The following NBAS variants were observed in gnomAD, a reference collection of about 807,000 sequenced individuals.
NBAS encodes NAG/BC035112 fusion.
NBAS carries 219 observed loss-of-function variants against 302.5 expected under a neutral mutation model. That is an observed-to-expected ratio of 0.72 (90% CI 0.65 to 0.81). The LOEUF (loss-of-function observed/expected upper bound fraction) is 0.81, where lower values mean the gene tolerates loss of function less well. Ranked by LOEUF, NBAS falls within the 30% of genes least tolerant of loss-of-function variation. The pLI is 0.00. For missense variants in NBAS, 2,932 were observed against 2,841.6 expected, an observed-to-expected ratio of 1.03 and a Z score of -0.72; for synonymous variants, 1,118 against 1,021.6, an observed-to-expected ratio of 1.09 and a Z score of -1.80.
At chr2:15,308,898 T>C (rs1302770797) in intron 39 of NBAS, among the ~76,000 whole-genome samples, 1 of 152,286 alleles carries the variant, frequency 6.6e-6, no homozygotes, top group Non-Finnish European at 1.5e-5. Flanking sequence ...AAAGATAGCA[T>C]TGGGAGATAT....
the NBAS span, among the ~76,000 whole-genome samples, chr2:14,861,629 T>G: frequency 6.6e-6 from 1 of 152,262 alleles, no homozygotes; most frequent in Non-Finnish European, 1.5e-5. Context: ...GATGATGCTA[T>G]CCCCTCAATA....
the NBAS span, among the ~76,000 whole-genome samples, chr2:14,919,245 A>C: frequency 6.6e-6 from 1 of 152,198 alleles, no homozygotes; most frequent in African/African-American, 2.4e-5. Flanking sequence ...TAGCCAGTAC[A>C]TATAAAAGAT....
At chr2:15,443,701 G>A (rs1474974512) in intron 21 of NBAS, among the ~76,000 whole-genome samples, 1 of 150,832 alleles carries the variant, frequency 6.6e-6, no homozygotes, top group African/African-American at 2.4e-5. Context: ...TAGGAAAAGA[G>A]GAAGTCAAAT....
intron 50 of NBAS, among the ~76,000 whole-genome samples, chr2:15,181,685 T>C (rs1344773021): frequency 6.6e-6 from 1 of 152,184 alleles, no homozygotes; most frequent in African/African-American, 2.4e-5. Context: ...GCCACAGACC[T>C]GGATGTTTCT....
At chr2:15,324,664 G>C (rs2148214067) in intron 38 of NBAS, among the ~76,000 whole-genome samples, 1 of 152,312 alleles carries the variant, frequency 6.6e-6, no homozygotes, top group South Asian at 2.1e-4. Flanking sequence ...GTTGAAGGCA[G>C]GGACAATGTC....
At chr2:14,811,412 G>GA in the NBAS span, among the ~76,000 whole-genome samples, 21 of 150,908 alleles carry the variant, frequency 1.4e-4, no homozygotes, top group Non-Finnish European at 2.2e-4. Context: ...CCTGACTCTA[G>GA]AAAAAAAAAG....
the NBAS span, among the ~76,000 whole-genome samples, chr2:14,931,465 G>A: frequency 6.6e-6 from 1 of 152,134 alleles, no homozygotes; most frequent in Non-Finnish European, 1.5e-5. Flanking sequence ...ATACTCCTGG[G>A]TATCCTACTG....
chr2:15,105,092 G>C, the NBAS span, among the ~76,000 whole-genome samples: 485 of 152,236 alleles, frequency 3.2e-3, 4 homozygotes, highest in African/African-American at 0.011. Context: ...AAAAGGATGA[G>C]GTCATGTCCT....
chr2:14,889,557 A>G, the NBAS span, among the ~76,000 whole-genome samples: 1 of 152,180 alleles, frequency 6.6e-6, no homozygotes, highest in African/African-American at 2.4e-5. Flanking sequence ...TCTAAAATCC[A>G]AAAAAGAGAT....
At chr2:15,505,474 G>A (rs2148638696) in intron 10 of NBAS, among the ~76,000 whole-genome samples, 1 of 152,210 alleles carries the variant, frequency 6.6e-6, no homozygotes, top group Admixed American at 6.5e-5. Context: ...CAAAGGGGTG[G>A]TAAAGGGGAA....
At chr2:15,358,439 C>T (rs1003756441) in intron 32 of NBAS, among the ~76,000 whole-genome samples, 1 of 151,862 alleles carries the variant, frequency 6.6e-6, no homozygotes, top group Non-Finnish European at 1.5e-5. Flanking sequence ...CGCGTGTGCC[C>T]GTGTGCATGT....
the NBAS span, among the ~76,000 whole-genome samples, chr2:14,990,053 T>G: frequency 6.6e-6 from 1 of 152,096 alleles, no homozygotes; most frequent in Non-Finnish European, 1.5e-5. Flanking sequence ...TTTTTTCTCT[T>G]TTTTTCTTTT....
chr2:14,953,263 T>G, the NBAS span, among the ~76,000 whole-genome samples: 2 of 151,978 alleles, frequency 1.3e-5, no homozygotes, highest in East Asian at 1.9e-4. Flanking sequence ...CATGGTGAAC[T>G]GTATCAGGGA....
chr2:15,014,599 A>G, the NBAS span, among the ~76,000 whole-genome samples: 1 of 152,092 alleles, frequency 6.6e-6, no homozygotes, highest in African/African-American at 2.4e-5. Flanking sequence ...GAAACACATC[A>G]TACGAAAACC....
chr2:15,111,313 AC>A, the NBAS span, among the ~76,000 whole-genome samples: 1 of 151,996 alleles, frequency 6.6e-6, no homozygotes, highest in African/African-American at 2.4e-5. Context: ...CCATGTAAAA[AC>A]CTCTACAACA....
intron 12 of NBAS, chr2:15,483,350 C>T (rs762349724): frequency 4.6e-6 from 2 of 437,864 alleles, no homozygotes; most frequent in South Asian, 3.5e-5. Context: ...CATTCATCTA[C>T]TTAAGATTAG....
chr2:15,552,884 G>C (rs561351006), intron 5 of NBAS, among the ~76,000 whole-genome samples: 119 of 150,978 alleles, frequency 7.9e-4, no homozygotes, highest in Admixed American at 1.2e-3. Flanking sequence ...CTAGTTCTCA[G>C]CTCACTGCCT....
the NBAS span, among the ~76,000 whole-genome samples, chr2:14,971,611 G>A: frequency 6.6e-6 from 1 of 152,088 alleles, no homozygotes; most frequent in African/African-American, 2.4e-5. Context: ...CCATCAACCT[G>A]TTGGCCTTCT....
At chr2:15,508,484 T>C (rs1324893162) in intron 10 of NBAS, among the ~76,000 whole-genome samples, 3 of 152,214 alleles carry the variant, frequency 2.0e-5, no homozygotes, top group African/African-American at 7.2e-5. Context: ...TCTCTCCTTA[T>C]ATCCTCTATA....
Sources: gnomAD v4.1 joint callset for allele counts (sites outside exome capture counted in the v4.1 genomes callset) on GRCh38, gnomAD v4.1.1 for gene constraint, MANE v1.5 for transcripts, NCBI Gene and HGNC (gene_info 2026-07-23, HGNC 2026-07-21) for gene names.